Variants in LIG1 observed in about 807,000 individuals in gnomAD.
LIG1 encodes ligase I, DNA, ATP-dependent.
In LIG1, 70 loss-of-function variants were observed where a neutral mutation model predicts 115.7. The observed-to-expected ratio is 0.60, with a 90% CI of 0.50 to 0.74. The LOEUF is 0.74. Among genes scored for constraint, LIG1 ranks in the 30% least tolerant of loss-of-function variants. The pLI, the probability that LIG1 is intolerant of heterozygous loss-of-function variation, is 0.00. For missense variants in LIG1, 1,115 were observed against 1,225.6 expected, an observed-to-expected ratio of 0.91 and a Z score of 1.35; for synonymous variants, 487 against 495.3, an observed-to-expected ratio of 0.98 and a Z score of 0.22.
At chr19:48,154,141 T>A (rs951066977) in intron 5 of LIG1, 174 bp from the exon 6 acceptor site, 17 of 670,308 alleles carry the variant, frequency 2.5e-5, no homozygotes, top group Non-Finnish European at 4.4e-5. Context: ...TCCTGCTTCC[T>A]GGCTGTGTGA....
intron 1 of LIG1, among the ~76,000 whole-genome samples, chr19:48,168,463 T>C (rs2036591889): frequency 6.6e-6 from 1 of 151,872 alleles, no homozygotes; most frequent in South Asian, 2.1e-4. Context: ...TACTGCTGAG[T>C]TGGGGGGAAC....
chr19:48,135,123 C>T (rs1165536778), intron 16 of LIG1, among the ~76,000 whole-genome samples: 7 of 152,172 alleles, frequency 4.6e-5, no homozygotes, highest in Admixed American at 1.3e-4. Context: ...CTCATGTTGC[C>T]GGCTGCCCTC....
At chr19:48,123,069 G>T (rs927933700) in intron 22 of LIG1, 53 bp from the exon 23 acceptor site, 2 of 1,610,722 alleles carry the variant, frequency 1.2e-6, no homozygotes, top group Non-Finnish European at 8.5e-7. Flanking sequence ...CACAAGCGCC[G>T]GAGCAGGCAG....
chr19:48,133,240 G>C (rs2034159833), intron 17 of LIG1, 143 bp from the exon 18 acceptor site: 4 of 664,192 alleles, frequency 6.0e-6, no homozygotes, highest in Non-Finnish European at 2.7e-6. Context: ...TTTAGAAGGG[G>C]ACCTAGCCTC....
chr19:48,129,859 G>A (rs1277807071), intron 19 of LIG1, among the ~76,000 whole-genome samples: 4 of 152,096 alleles, frequency 2.6e-5, no homozygotes, highest in Non-Finnish European at 5.9e-5. Context: ...GGGTACAAAC[G>A]ATTCTCGTGC....
At chr19:48,156,202 T>C (rs549169914) in intron 5 of LIG1, among the ~76,000 whole-genome samples, 2 of 152,224 alleles carry the variant, frequency 1.3e-5, no homozygotes, top group East Asian at 3.9e-4. Flanking sequence ...GCCTTCTCAA[T>C]TTCTATGTTC....
intron 1 of LIG1, among the ~76,000 whole-genome samples, chr19:48,168,207 T>C (rs1441697557): frequency 1.3e-5 from 2 of 152,088 alleles, no homozygotes; most frequent in Non-Finnish European, 2.9e-5. Context: ...GAAGGAGAAA[T>C]ACATAAGCGT....
chr19:48,139,254 C>T lies in LIG1; in HGVS notation c.1087+717G>A, dbSNP rs548557747. On this transcript the variant is annotated intron_variant, in intron 12 of 27. Transcript: ENST00000263274. ...CCCACGCTGGGGTGATTAATGCCCC[C>T]TGCAGGTGCCTGCCCCTCACCAGGG... 9.2e-5 allele frequency among the ~76,000 whole-genome samples: 14 copies of T among 152,322 alleles called. No homozygotes were observed. In the South Asian group the frequency reaches 2.7e-3, roughly 29 times the overall value.
At chr19:48,120,445 C>G in intron 24 of LIG1, 1 of 985,130 alleles carries the variant, frequency 1.0e-6, no homozygotes, top group Non-Finnish European at 1.2e-6. Context: ...CTGGGTGGTA[C>G]GATTCTAGGT....
Position 48,151,345 on chromosome 19 carries a change from G to A in LIG1, c.467-6C>T, listed in dbSNP as rs780649888. On this transcript the variant is annotated splice_polypyrimidine_tract_variant and splice_region_variant and intron_variant, in intron 6 of 27. Transcript: ENST00000263274. ...TTCTTTCGGGGTCTCCTCTTCTGAC[G>A]ATAGACAGAACGGTCAGATGGCAAA... The A allele has an allele frequency of 9.6e-6, 15 of 1,563,134 alleles. No homozygotes were observed. The East Asian group carries it at 1.3e-4, about 14-fold the overall frequency.
intron 20 of LIG1, 181 bp from the exon 21 acceptor site, chr19:48,127,529 GACA>G (rs1219220015): frequency 3.1e-6 from 2 of 637,868 alleles, no homozygotes; most frequent in African/African-American, 3.6e-5. Flanking sequence ...AGCTAATTCC[GACA>G]ACCTCATTCC....
In LIG1 at chr19:48,149,808, T is replaced by C; in HGVS notation, c.731A>G (p.Lys244Arg). ...PRKPAVKKEV[K>R]EEEPGAPGKE... ...TCCTGGAGCCCCTGGCTCCTCTTCCTTCACTTCTTTTTTGACTGCTGGCTT... is the reference window on the plus strand; with the variant it reads ...TCCTGGAGCCCCTGGCTCCTCTTCCCTCACTTCTTTTTTGACTGCTGGCTT... The change falls in exon 9 of 28, where the codon AAG becomes AGG. Residue 244 changes from lysine to arginine, a missense_variant. Physicochemically the swap from Lys to Arg is conservative, Grantham distance 26. Coordinates refer to ENST00000263274, the MANE Select transcript of LIG1 (RefSeq NM_000234.3). 6.2e-7 allele frequency: 1 copy of C among 1,614,136 alleles called. No individual in the cohort carries two copies. Among genetic ancestry groups the C allele is most frequent in the Non-Finnish European group, 8.5e-7 (1 of 1,180,006 alleles).
intron 9 of LIG1, among the ~76,000 whole-genome samples, chr19:48,146,657 G>A (rs770688807): frequency 2.0e-5 from 3 of 152,192 alleles, no homozygotes; most frequent in African/African-American, 4.8e-5. Context: ...TCCAGCCTGG[G>A]CAGCAAGAGC....
At chr19:48,159,887 T>C (rs2036075205) in intron 4 of LIG1, among the ~76,000 whole-genome samples, 1 of 152,072 alleles carries the variant, frequency 6.6e-6, no homozygotes, top group East Asian at 1.9e-4. Context: ...CCAGCTAATT[T>C]TTTGTATTTT....
chr19:48,115,968 G>A lies in LIG1; in HGVS notation c.2584-3C>T, dbSNP rs1440535831. 5 of 1,612,124 alleles carry A rather than the reference G, an allele frequency of 3.1e-6. No individual in the cohort carries two copies. The highest frequency in any genetic ancestry group is 1.7e-6 in the Non-Finnish European group (2 of 1,179,112). On this transcript the variant is annotated splice_polypyrimidine_tract_variant and splice_region_variant and intron_variant, in intron 26 of 27. Coordinates refer to ENST00000263274, the MANE Select transcript of LIG1 (RefSeq NM_000234.3). Reference sequence around the variant, plus strand: ...GAGATGCCCTTGTCACTATCCACCTGCGGAAGCGGGATGGAGACTCCTGCG... The same window carrying A: ...GAGATGCCCTTGTCACTATCCACCTACGGAAGCGGGATGGAGACTCCTGCG...
At chr19:48,159,646 G>A (rs559932409) in intron 4 of LIG1, among the ~76,000 whole-genome samples, 8 of 152,338 alleles carry the variant, frequency 5.3e-5, no homozygotes, top group Non-Finnish European at 8.8e-5. Context: ...TGGCAGGAGA[G>A]GAAAGTCAGG....
intron 7 of LIG1, 22 bp downstream of exon 7, chr19:48,151,210 G>A (rs756261802): frequency 1.3e-5 from 20 of 1,492,336 alleles, no homozygotes; most frequent in Non-Finnish European, 1.3e-5. Context: ...GGGCAGGGCG[G>A]AGGAGAGGAC....
chr19:48,143,827 G>T, intron 10 of LIG1, 56 bp downstream of exon 10: 2 of 1,424,720 alleles, frequency 1.4e-6, no homozygotes, highest in Non-Finnish European at 2.0e-6. Flanking sequence ...TGCTTAGAGA[G>T]CCTCCGGTGG....
At chr19:48,158,061 A>G (rs2035959525) in intron 4 of LIG1, among the ~76,000 whole-genome samples, 1 of 152,148 alleles carries the variant, frequency 6.6e-6, no homozygotes, top group African/African-American at 2.4e-5. Context: ...CATGTGACAC[A>G]CCTGCTCCTC....
Sources: gnomAD v4.1 joint callset for allele counts (sites outside exome capture counted in the v4.1 genomes callset) on GRCh38, gnomAD v4.1.1 for gene constraint, MANE v1.5 for transcripts, NCBI Gene and HGNC (gene_info 2026-07-23, HGNC 2026-07-21) for gene names.